The following FUT9 variants were observed in gnomAD, a reference collection of about 807,000 sequenced individuals.
FUT9 encodes 4-galactosyl-N-acetylglucosaminide 3-alpha-L-fucosyltransferase 9.
FUT9 carries 15 observed loss-of-function variants against 29.7 expected under a neutral mutation model. That is an observed-to-expected ratio of 0.51 (90% confidence interval 0.34 to 0.78). The LOEUF (loss-of-function observed/expected upper bound fraction) is 0.78, where lower values mean the gene tolerates loss of function less well. Among genes scored for constraint, FUT9 ranks in the 30% least tolerant of loss-of-function variants. FUT9 has a pLI of 0.01. For missense variants in FUT9, 319 were observed against 425.4 expected, an observed-to-expected ratio of 0.75 and a Z score of 2.20; for synonymous variants, 169 against 153.7, an observed-to-expected ratio of 1.10 and a Z score of -0.74.
At chr6:96,148,427 G>A (rs555831977) in intron 2 of FUT9, among the ~76,000 whole-genome samples, 7 of 152,182 alleles carry the variant, frequency 4.6e-5, no homozygotes, top group African/African-American at 7.2e-5. Context: ...ACTCTGTAAT[G>A]CATCAAAACA....
intron 2 of FUT9, among the ~76,000 whole-genome samples, chr6:96,166,884 T>C (rs1461445611): frequency 6.6e-6 from 1 of 152,144 alleles, no homozygotes; most frequent in Non-Finnish European, 1.5e-5. Flanking sequence ...ACCATGTAAA[T>C]GCTATGTGAA....
At position 96,173,011 on chromosome 6, in the gene FUT9, A is replaced by C. The variant is rs144466403; in HGVS notation, c.-8-30137A>C. ...TGGATTTAGAGGAAGACTTGTAGAAAATGGGAGGTGTGAATTTGGGCTGGT... is the reference window on the plus strand; with the variant it reads ...TGGATTTAGAGGAAGACTTGTAGAACATGGGAGGTGTGAATTTGGGCTGGT... On this transcript the variant is annotated intron_variant, in intron 2 of 2. Transcript: ENST00000302103. 3.9e-5 allele frequency among the ~76,000 whole-genome samples: 6 copies of C among 152,278 alleles called. No homozygotes were observed. In the East Asian group the frequency reaches 7.7e-4, roughly 20 times the overall value.
intron 2 of FUT9, among the ~76,000 whole-genome samples, chr6:96,164,092 C>A (rs1184473192): frequency 6.6e-6 from 1 of 152,006 alleles, no homozygotes; most frequent in Non-Finnish European, 1.5e-5. Context: ...GATGCAGAAC[C>A]TCAGTGCAAC....
At chr6:96,190,334 T>C (rs1373511039) in intron 2 of FUT9, among the ~76,000 whole-genome samples, 1 of 152,064 alleles carries the variant, frequency 6.6e-6, no homozygotes, top group Non-Finnish European at 1.5e-5. Context: ...CTGGCTGCCC[T>C]TAACATTTTT....
At chr6:96,116,008 T>A (rs1318063398) in intron 2 of FUT9, among the ~76,000 whole-genome samples, 2 of 152,108 alleles carry the variant, frequency 1.3e-5, no homozygotes, top group Non-Finnish European at 2.9e-5. Context: ...AACACATTCT[T>A]AAAAGAATGA....
intron 1 of FUT9, among the ~76,000 whole-genome samples, chr6:96,104,979 A>T (rs542737825): frequency 5.3e-5 from 8 of 152,302 alleles, no homozygotes; most frequent in African/African-American, 1.9e-4. Flanking sequence ...AGTCATCTCG[A>T]GGCTTCGTAT....
intron 1 of FUT9, among the ~76,000 whole-genome samples, chr6:96,042,226 C>A (rs1770474644): frequency 6.6e-6 from 1 of 152,088 alleles, no homozygotes; most frequent in Non-Finnish European, 1.5e-5. Flanking sequence ...TCACAACCAG[C>A]AACTATGGAC....
At chr6:96,132,779 A>G (rs534668091) in intron 2 of FUT9, among the ~76,000 whole-genome samples, 381 of 152,264 alleles carry the variant, frequency 2.5e-3, no homozygotes, top group African/African-American at 8.9e-3. Context: ...AGCATATAAC[A>G]GTTCCTATAA....
chr6:96,058,120 G>C (rs925276295), intron 1 of FUT9, among the ~76,000 whole-genome samples: 1 of 151,950 alleles, frequency 6.6e-6, no homozygotes, highest in Non-Finnish European at 1.5e-5. Flanking sequence ...CCTTATTTCA[G>C]AGCTGAAAAC....
intron 1 of FUT9, among the ~76,000 whole-genome samples, chr6:96,039,635 G>A (rs1050908643): frequency 1.3e-5 from 2 of 152,022 alleles, no homozygotes; most frequent in African/African-American, 4.8e-5. Flanking sequence ...CTCAGTCACC[G>A]TATCATAAGT....
At position 96,215,041 on chromosome 6, in the gene FUT9, G is replaced by A. The variant is rs1774011867; in HGVS notation, c.*10806G>A. 5 of 166,980 alleles carry A rather than the reference G, an allele frequency of 3.0e-5. No homozygotes were observed. The South Asian group carries it at 1.0e-3, about 35-fold the overall frequency. The allele number at this position is 166,980 out of a possible 1,614,324, so 10.3% of individuals were successfully genotyped here. A position where few individuals can be genotyped will look rare whatever the true frequency, so the allele number is the denominator to read the frequency against. Reference sequence around the variant, plus strand: ...CGCCGACTTTACCAACCAAGATAGTGTATGTGTGTGACATTCAGCTAACAT... The same window carrying A: ...CGCCGACTTTACCAACCAAGATAGTATATGTGTGTGACATTCAGCTAACAT... On this transcript the variant is annotated 3_prime_UTR_variant, in exon 3 of 3. Transcript: ENST00000302103.
intron 1 of FUT9, among the ~76,000 whole-genome samples, chr6:96,033,591 A>T (rs1227507331): frequency 6.6e-6 from 1 of 151,672 alleles, no homozygotes; most frequent in East Asian, 1.9e-4. Context: ...CCTTCACCCT[A>T]AAATTATTTT....
intron 1 of FUT9, among the ~76,000 whole-genome samples, chr6:96,088,360 C>T (rs1369375997): frequency 6.6e-6 from 1 of 152,044 alleles, no homozygotes; most frequent in East Asian, 1.9e-4. Flanking sequence ...TTGGAGTTTA[C>T]TGAACTTCTT....
intron 1 of FUT9, among the ~76,000 whole-genome samples, chr6:96,085,832 T>C (rs1421998548): frequency 6.6e-6 from 1 of 152,202 alleles, no homozygotes; most frequent in Non-Finnish European, 1.5e-5. Flanking sequence ...TAGTAGTTCA[T>C]GCCTTGCATC....
At chr6:96,152,221 T>TA (rs1772690314) in intron 2 of FUT9, among the ~76,000 whole-genome samples, 1 of 152,194 alleles carries the variant, frequency 6.6e-6, no homozygotes, top group South Asian at 2.1e-4. Flanking sequence ...TTTTACCTAT[T>TA]ACACGCTGTA....
chr6:96,189,364 CATT>C (rs1178571158), intron 2 of FUT9, among the ~76,000 whole-genome samples: 2 of 21,460 alleles, frequency 9.3e-5, no homozygotes, highest in African/African-American at 1.0e-4. Flanking sequence ...AGACTTTTAA[CATT>C]TTTTTTTTTT....
chr6:96,099,133 G>A (rs567870045), intron 1 of FUT9, among the ~76,000 whole-genome samples: 1 of 151,994 alleles, frequency 6.6e-6, no homozygotes, highest in African/African-American at 2.4e-5. Context: ...TTTTACCTTA[G>A]GATGTGAAAA....
chr6:96,092,918 G>A (rs1771435198), intron 1 of FUT9, among the ~76,000 whole-genome samples: 2 of 151,860 alleles, frequency 1.3e-5, no homozygotes, highest in South Asian at 4.2e-4. Flanking sequence ...ATGCCACCAT[G>A]CCTGGCTAAT....
intron 1 of FUT9, among the ~76,000 whole-genome samples, chr6:96,072,448 AAAGAGCATTTTTTTCC>A (rs1313854609): frequency 1.2e-4 from 18 of 152,332 alleles, no homozygotes; most frequent in Admixed American, 3.3e-4. Context: ...AAATACACTG[AAAGAGCATTTTTTTCC>A]TCTCTATATA....
Sources: gnomAD v4.1 joint callset for allele counts (sites outside exome capture counted in the v4.1 genomes callset) on GRCh38, gnomAD v4.1.1 for gene constraint, MANE v1.5 for transcripts, NCBI Gene and HGNC (gene_info 2026-07-23, HGNC 2026-07-21) for gene names.